Variants in PTCD2 observed in about 807,000 individuals in gnomAD.
PTCD2 encodes pentatricopeptide repeat-containing protein 2, mitochondrial.
A neutral mutation model predicts 42.6 loss-of-function variants in PTCD2; 31 were observed. That is an observed-to-expected ratio of 0.73 (90% confidence interval 0.55 to 0.98). PTCD2 has a LOEUF of 0.98. Ranked by LOEUF, PTCD2 falls within the 50% of genes least tolerant of loss-of-function variation. PTCD2 has a pLI of 0.00. For missense variants in PTCD2, 476 were observed against 454.8 expected (o/e 1.05, Z -0.42); for synonymous variants, 183 against 170.9 (o/e 1.07, Z -0.55).
In PTCD2 at chr5:72,362,233, C is replaced by A. The variant is rs994833930; in HGVS notation, c.*3806C>A. The A allele has an allele frequency of 2.0e-5, 3 of 152,084 alleles. No homozygotes were observed. Among genetic ancestry groups the A allele is most frequent in the Admixed American group, 6.6e-5 (1 of 15,252 alleles). 9.4% of individuals were successfully genotyped at this position (152,084 alleles called of 1,614,324 possible). On this transcript the variant is annotated 3_prime_UTR_variant, in exon 10 of 10. Coordinates refer to ENST00000380639, the MANE Select transcript of PTCD2 (RefSeq NM_024754.5). ...AAGGTGTTGGTATTAGATGATGTAG[C>A]CTTTGGGAAGGAATTAGGGTGGTGC... is the stretch of plus-strand genomic sequence containing the variant.
intron 3 of PTCD2, among the ~76,000 whole-genome samples, chr5:72,329,315 C>T (rs776447829): frequency 5.9e-5 from 9 of 152,174 alleles, no homozygotes; most frequent in East Asian, 1.9e-4. Context: ...TCAGGCAGCC[C>T]GTGGCTGGGA....
At chr5:72,351,292 A>G (rs1277987019) in intron 8 of PTCD2, among the ~76,000 whole-genome samples, 1 of 152,136 alleles carries the variant, frequency 6.6e-6, no homozygotes, top group Non-Finnish European at 1.5e-5. Context: ...TTGGTGGAAG[A>G]TAGGTGGTAG....
At chr5:72,323,207 G>A (rs1486380705) in intron 2 of PTCD2, among the ~76,000 whole-genome samples, 1 of 152,156 alleles carries the variant, frequency 6.6e-6, no homozygotes, top group Non-Finnish European at 1.5e-5. Flanking sequence ...TTTGAGGATT[G>A]TAGTGTAGAG....
chr5:72,329,934 TTC>T (rs908914525), intron 3 of PTCD2, among the ~76,000 whole-genome samples: 2 of 139,314 alleles, frequency 1.4e-5, no homozygotes, highest in Non-Finnish European at 3.2e-5. Flanking sequence ...TATTTATAAC[TTC>T]TTTTTTTTTT....
chr5:72,358,528 AC>A lies in PTCD2; in HGVS notation c.*102del. 1.2e-6 allele frequency: 1 copy of A among 810,628 alleles called. No individual in the cohort carries two copies. Among genetic ancestry groups the A allele is most frequent in the Non-Finnish European group, 2.0e-6 (1 of 496,058 alleles). The allele number at this position is 810,628 out of a possible 1,614,324, so 50.2% of individuals were successfully genotyped here. A position where few individuals can be genotyped will look rare whatever the true frequency, so the allele number is the denominator to read the frequency against. On this transcript the variant is annotated 3_prime_UTR_variant, in exon 10 of 10. Transcript: ENST00000380639. ...TCGCACTTCAGCAGACAGTGTGCTG[AC>A]ACTTGGTCTTCTCCTGAAATTCCCA...
chr5:72,327,846 A>G (rs1751229927), intron 3 of PTCD2, among the ~76,000 whole-genome samples: 2 of 152,226 alleles, frequency 1.3e-5, no homozygotes, highest in South Asian at 4.1e-4. Flanking sequence ...AGAGAAATAC[A>G]AGATAATCAT....
chr5:72,342,476 G>A (rs1403788042), intron 7 of PTCD2, among the ~76,000 whole-genome samples: 2 of 152,096 alleles, frequency 1.3e-5, no homozygotes, highest in Admixed American at 6.5e-5. Flanking sequence ...TGTACTTCAG[G>A]TTGTGCCCTT....
intron 8 of PTCD2, among the ~76,000 whole-genome samples, chr5:72,352,099 A>C (rs2112222587): frequency 6.6e-6 from 1 of 152,196 alleles, no homozygotes; most frequent in African/African-American, 2.4e-5. Flanking sequence ...CAGACACCAA[A>C]ATCTCTGCCC....
chr5:72,357,616 C>T (rs1195097955), intron 9 of PTCD2, among the ~76,000 whole-genome samples: 1 of 152,162 alleles, frequency 6.6e-6, no homozygotes, highest in Non-Finnish European at 1.5e-5. Flanking sequence ...CTGCCTCCTC[C>T]TGCTCTAATC....
At position 72,352,701 on chromosome 5, in the gene PTCD2, G is replaced by A. The variant is rs1420769642; in HGVS notation, c.889G>A (p.Ala297Thr). The A allele has an allele frequency of 2.5e-6, 4 of 1,605,406 alleles. No homozygotes were observed. Among genetic ancestry groups the A allele is most frequent in the Non-Finnish European group, 2.6e-6 (3 of 1,172,478 alleles). ...ENLIKTLKNA[A>T]EGNLSKFVKR... ...CCTGATAAAGACTCTAAAAAATGCT[G>A]CAGAAGGAAATTTATCAAAATTTGT... The change falls in exon 9 of 10, where the codon GCA becomes ACA. Residue 297 changes from alanine to threonine, a missense_variant. Ala to Thr is a moderately conservative substitution (Grantham distance 58, BLOSUM62 0). Coordinates refer to ENST00000380639, the MANE Select transcript of PTCD2 (RefSeq NM_024754.5).
rs1427159972 is a variant in PTCD2, at chr5:72,364,598, AAG to A, written c.*6174_*6175del. On this transcript the variant is annotated 3_prime_UTR_variant, in exon 10 of 10. Coordinates refer to ENST00000380639, the MANE Select transcript of PTCD2 (RefSeq NM_024754.5). ...CTAATGAGGTCTTAATATTTTTTGA[AAG>A]AGTGATTTCATTAATTAACGGCAGA... The A allele has an allele frequency of 6.6e-6, 1 of 152,176 alleles. No individual in the cohort carries two copies. Among genetic ancestry groups the A allele is most frequent in the African/African-American group, 2.4e-5 (1 of 41,434 alleles). 9.4% of individuals were successfully genotyped at this position (152,176 alleles called of 1,614,324 possible).
intron 8 of PTCD2, among the ~76,000 whole-genome samples, chr5:72,350,736 G>A (rs1752582893): frequency 6.6e-6 from 1 of 152,136 alleles, no homozygotes; most frequent in South Asian, 2.1e-4. Context: ...CCCTCATCCT[G>A]ATAAGTTACT....
chr5:72,329,710 CA>C (rs1175432569), intron 3 of PTCD2, among the ~76,000 whole-genome samples: 1 of 151,962 alleles, frequency 6.6e-6, no homozygotes, highest in Admixed American at 6.6e-5. Context: ...TTAATCTTCA[CA>C]AAAAAACTGA....
chr5:72,323,775 G>A (rs180697729), intron 2 of PTCD2, among the ~76,000 whole-genome samples: 8 of 152,212 alleles, frequency 5.3e-5, no homozygotes, highest in African/African-American at 1.9e-4. Flanking sequence ...AGCCTCCTGA[G>A]TAACTAGGAC....
intron 2 of PTCD2, among the ~76,000 whole-genome samples, chr5:72,324,059 T>A (rs1328975075): frequency 2.6e-5 from 4 of 152,176 alleles, no homozygotes; most frequent in Non-Finnish European, 4.4e-5. Flanking sequence ...ACCTTTGGAA[T>A]GGGGGGAATA....
At chr5:72,344,761 G>A (rs780665549) in intron 8 of PTCD2, among the ~76,000 whole-genome samples, 5 of 152,130 alleles carry the variant, frequency 3.3e-5, no homozygotes, top group Non-Finnish European at 7.4e-5. Context: ...GACATCACAT[G>A]TCGGCAGGTT....
intron 9 of PTCD2, among the ~76,000 whole-genome samples, chr5:72,354,382 GA>G (rs35170727): frequency 3.2e-3 from 96 of 29,806 alleles, no homozygotes; most frequent in South Asian, 0.019. Flanking sequence ...GACTCCATCT[GA>G]AAAAAAAAAA....
chr5:72,322,218 T>C lies in PTCD2; in HGVS notation c.174T>C (p.Phe58=). ...ATAATGTGGTGAAATTAAAAGAATT[T>C]CAACAAAAGAAAGTGGCTGTTGCAT... ...LTDNVVKLKE[F]QQKKVAVACN... is the part of the protein sequence containing the mutation. The change falls in exon 2 of 10, where the codon TTT becomes TTC. Residue 58 remains phenylalanine, a synonymous_variant. Transcript: ENST00000380639. 1 of 1,604,096 alleles carries C rather than the reference T, an allele frequency of 6.2e-7. No homozygotes were observed. Among genetic ancestry groups the C allele is most frequent in the East Asian group, 2.2e-5 (1 of 44,718 alleles).
At chr5:72,331,009 C>A (rs530711153) in intron 3 of PTCD2, among the ~76,000 whole-genome samples, 1 of 152,164 alleles carries the variant, frequency 6.6e-6, no homozygotes, top group Non-Finnish European at 1.5e-5. Context: ...TTACAACATA[C>A]GTTTTTCCTC....
Sources: gnomAD v4.1 joint callset for allele counts (sites outside exome capture counted in the v4.1 genomes callset) on GRCh38, gnomAD v4.1.1 for gene constraint, MANE v1.5 for transcripts, NCBI Gene and HGNC (gene_info 2026-07-23, HGNC 2026-07-21) for gene names.